The following SPOCK1 variants were observed in gnomAD, a reference collection of about 807,000 sequenced individuals.
SPOCK1 encodes SPARC (osteonectin), cwcv and kazal like domains proteoglycan 1.
SPOCK1 carries 23 observed loss-of-function variants against 55.3 expected under a neutral mutation model. That is an observed-to-expected ratio of 0.42 (90% confidence interval 0.30 to 0.59). The LOEUF is 0.59. SPOCK1 is among the 20% of genes least tolerant of loss of function. The pLI is 0.22. For synonymous variants in SPOCK1, 226 were observed against 221.0 expected (o/e 1.02, Z -0.20); for missense variants, 499 against 552.5 (o/e 0.90, Z 0.97).
At chr5:137,160,579 TA>T (rs1561631683) in intron 3 of SPOCK1, among the ~76,000 whole-genome samples, 1 of 60,116 alleles carries the variant, frequency 1.7e-5, no homozygotes, top group Non-Finnish European at 2.9e-5. Context: ...TATTATATAA[TA>T]TATATAATAT....
At chr5:137,172,594 A>T (rs1262415139) in intron 3 of SPOCK1, among the ~76,000 whole-genome samples, 1 of 152,196 alleles carries the variant, frequency 6.6e-6, no homozygotes, top group Non-Finnish European at 1.5e-5. Flanking sequence ...CACTAGGCCT[A>T]CAGTGCACAC....
At chr5:137,240,241 CTG>C (rs1756256547) in intron 3 of SPOCK1, among the ~76,000 whole-genome samples, 1 of 152,090 alleles carries the variant, frequency 6.6e-6, no homozygotes, top group African/African-American at 2.4e-5. Context: ...ATATCTGAGA[CTG>C]TGGTAATTTA....
At chr5:137,194,993 A>G (rs1755270868) in intron 3 of SPOCK1, among the ~76,000 whole-genome samples, 1 of 152,152 alleles carries the variant, frequency 6.6e-6, no homozygotes, top group African/African-American at 2.4e-5. Flanking sequence ...TCTCTCTTCA[A>G]TGTGGTTCTG....
At chr5:137,160,900 T>G (rs1209453550) in intron 3 of SPOCK1, among the ~76,000 whole-genome samples, 1 of 146,004 alleles carries the variant, frequency 6.8e-6, no homozygotes, top group African/African-American at 2.5e-5. Context: ...GAAGTCATTA[T>G]TCGAAAAAGA....
intron 5 of SPOCK1, among the ~76,000 whole-genome samples, chr5:137,073,586 C>G (rs1337819271): frequency 1.3e-5 from 2 of 152,102 alleles, no homozygotes; most frequent in Admixed American, 6.5e-5. Flanking sequence ...GTGGTACACA[C>G]ACATTTCTAT....
intron 3 of SPOCK1, among the ~76,000 whole-genome samples, chr5:137,174,498 T>C (rs1248274373): frequency 2.6e-5 from 4 of 152,252 alleles, no homozygotes; most frequent in African/African-American, 9.6e-5. Flanking sequence ...GTTGCCCTCC[T>C]TTATACCATG....
intron 2 of SPOCK1, among the ~76,000 whole-genome samples, chr5:137,489,232 C>T (rs957780471): frequency 6.6e-6 from 1 of 152,158 alleles, no homozygotes; most frequent in Non-Finnish European, 1.5e-5. Context: ...CTATCTCTGC[C>T]GCTAAGCTGA....
At chr5:137,148,045 G>T (rs7732324) in intron 3 of SPOCK1, among the ~76,000 whole-genome samples, 7 of 152,196 alleles carry the variant, frequency 4.6e-5, no homozygotes, top group African/African-American at 9.6e-5. Context: ...CTTCCTCTCC[G>T]GACAGCCACA....
intron 3 of SPOCK1, among the ~76,000 whole-genome samples, chr5:137,238,664 A>G (rs890724486): frequency 1.3e-5 from 2 of 152,270 alleles, no homozygotes; most frequent in African/African-American, 4.8e-5. Flanking sequence ...CATTCCAAAG[A>G]CACTGAAGAG....
intron 5 of SPOCK1, among the ~76,000 whole-genome samples, chr5:137,096,651 G>A (rs1384633231): frequency 1.3e-5 from 2 of 152,236 alleles, no homozygotes; most frequent in East Asian, 1.9e-4. Context: ...CCAAGAAATC[G>A]ATGAGCCAAC....
At chr5:137,044,442 AG>A (rs1752066353) in intron 6 of SPOCK1, among the ~76,000 whole-genome samples, 1 of 152,224 alleles carries the variant, frequency 6.6e-6, no homozygotes, top group Non-Finnish European at 1.5e-5. Flanking sequence ...CCCAGGTGGA[AG>A]AGTAAGAATA....
chr5:137,424,399 C>T (rs1229387423), intron 2 of SPOCK1, among the ~76,000 whole-genome samples: 2 of 152,140 alleles, frequency 1.3e-5, no homozygotes, highest in African/African-American at 4.8e-5. Context: ...AACAAAAATT[C>T]AACTGACCAT....
At chr5:137,062,741 A>G (rs1752417505) in intron 6 of SPOCK1, among the ~76,000 whole-genome samples, 1 of 151,980 alleles carries the variant, frequency 6.6e-6, no homozygotes, top group Non-Finnish European at 1.5e-5. Flanking sequence ...AAAAAACAAA[A>G]AAATGCACAG....
intron 2 of SPOCK1, among the ~76,000 whole-genome samples, chr5:137,404,606 G>A (rs1182854846): frequency 1.3e-5 from 2 of 148,256 alleles, no homozygotes; most frequent in African/African-American, 5.0e-5. Flanking sequence ...TTTTAGTAGA[G>A]ATGGGGTTTC....
At chr5:137,217,346 A>G (rs1755737642) in intron 3 of SPOCK1, among the ~76,000 whole-genome samples, 1 of 152,186 alleles carries the variant, frequency 6.6e-6, no homozygotes, top group African/African-American at 2.4e-5. Context: ...CACTAAGCCA[A>G]GGGGAAAGAG....
chr5:136,992,678 C>T (rs3777224), intron 6 of SPOCK1, 78 bp from the exon 7 acceptor site: 618,843 of 1,101,032 alleles, frequency 0.56, 180,216 homozygotes, highest in East Asian at 0.82. Context: ...GGCAAAGCCA[C>T]GTTCAAAGCA....
chr5:137,428,616 T>C (rs1157459897), intron 2 of SPOCK1, among the ~76,000 whole-genome samples: 1 of 152,188 alleles, frequency 6.6e-6, no homozygotes, highest in Non-Finnish European at 1.5e-5. Context: ...TCAGATAAGC[T>C]TTCCAGAAGC....
chr5:137,132,174 C>CAA (rs762937224), intron 4 of SPOCK1, among the ~76,000 whole-genome samples: 1,613 of 59,150 alleles, frequency 0.027, 166 homozygotes, highest in African/African-American at 0.099. Flanking sequence ...GACTCTGTCT[C>CAA]AAAAAAAAAA....
intron 2 of SPOCK1, among the ~76,000 whole-genome samples, chr5:137,380,855 T>A (rs1751448206): frequency 6.6e-6 from 1 of 152,060 alleles, no homozygotes; most frequent in Non-Finnish European, 1.5e-5. Flanking sequence ...CCTCTTCAGC[T>A]CCCCTGGGAG....
Sources: gnomAD v4.1 joint callset for allele counts (sites outside exome capture counted in the v4.1 genomes callset) on GRCh38, gnomAD v4.1.1 for gene constraint, MANE v1.5 for transcripts, NCBI Gene and HGNC (gene_info 2026-07-23, HGNC 2026-07-21) for gene names.